The following DROSHA variants were observed in gnomAD, a reference collection of about 807,000 sequenced individuals.
DROSHA encodes ribonuclease 3.
Under a neutral mutation model 181.9 loss-of-function variants are expected in DROSHA, and 56 were observed. That is an observed-to-expected ratio of 0.31 (90% CI 0.25 to 0.38). The LOEUF (loss-of-function observed/expected upper bound fraction) is 0.38, where lower values mean the gene tolerates loss of function less well. DROSHA is among the 10% of genes least tolerant of loss of function. The pLI is 1.00. For missense variants in DROSHA, 1,218 were observed against 1,743.5 expected, an observed-to-expected ratio of 0.70 and a Z score of 5.37; for synonymous variants, 524 against 591.2, an observed-to-expected ratio of 0.89 and a Z score of 1.65.
At chr5:31,415,491 G>A (rs1236789126) in intron 30 of DROSHA, among the ~76,000 whole-genome samples, 1 of 152,182 alleles carries the variant, frequency 6.6e-6, no homozygotes, top group African/African-American at 2.4e-5. Flanking sequence ...TCTTCTCAAC[G>A]AGATCTTTTA....
chr5:31,404,234 T>A (rs1003527782), intron 35 of DROSHA, among the ~76,000 whole-genome samples: 1 of 152,178 alleles, frequency 6.6e-6, no homozygotes, highest in South Asian at 2.1e-4. Flanking sequence ...TGTCTCAGAA[T>A]AGGTGATCTC....
At position 31,511,021 on chromosome 5, in the gene DROSHA, T is replaced by A. The variant is rs768852138; in HGVS notation, c.1432+14A>T. On this transcript the variant is annotated intron_variant, in intron 9 of 35. Coordinates refer to ENST00000344624, the MANE Select transcript of DROSHA (RefSeq NM_001382508.1). ...ATCGCAAGGGTCTCAGGCTAGTTAG[T>A]GACTCTGACTCACCTAAATCTTCAT... 7.4e-6 allele frequency: 12 copies of A among 1,613,638 alleles called. No individual in the cohort carries two copies.
intron 18 of DROSHA, 94 bp downstream of exon 18, chr5:31,467,845 A>G (rs17408716): frequency 0.077 from 111,919 of 1,461,120 alleles, 5,013 homozygotes; most frequent in Non-Finnish European, 0.091. Context: ...CTTAATTTTT[A>G]AAAAGGAAAC....
intron 14 of DROSHA, 148 bp from the exon 15 acceptor site, chr5:31,485,110 C>T (rs1020984671): frequency 3.6e-6 from 2 of 551,562 alleles, no homozygotes; most frequent in South Asian, 2.8e-5. Flanking sequence ...GGCCACTGAT[C>T]GCTAGTTTCA....
At chr5:31,442,815 T>C (rs908001894) in intron 23 of DROSHA, among the ~76,000 whole-genome samples, 2 of 152,012 alleles carry the variant, frequency 1.3e-5, no homozygotes, top group African/African-American at 2.4e-5. Flanking sequence ...TGCATCTGCC[T>C]GGACACTTGT....
At chr5:31,511,604 G>A (rs1429766758) in intron 8 of DROSHA, among the ~76,000 whole-genome samples, 1 of 151,710 alleles carries the variant, frequency 6.6e-6, no homozygotes. Flanking sequence ...TAAGGCAGGA[G>A]AACTGTTTGA....
At chr5:31,429,368 G>A in intron 27 of DROSHA, 107 bp downstream of exon 27, 1 of 1,025,864 alleles carries the variant, frequency 9.7e-7, no homozygotes, top group East Asian at 2.7e-5. Context: ...TGGTAGATCT[G>A]ACTATTTTGT....
At chr5:31,489,617 T>C (rs1260647948) in intron 13 of DROSHA, among the ~76,000 whole-genome samples, 2 of 152,218 alleles carry the variant, frequency 1.3e-5, no homozygotes, top group Non-Finnish European at 2.9e-5. Flanking sequence ...ACCATCATGT[T>C]TGAATACTTA....
intron 20 of DROSHA, among the ~76,000 whole-genome samples, chr5:31,456,806 T>G (rs79882512): frequency 0.01 from 1,522 of 152,150 alleles, 10 homozygotes; most frequent in Non-Finnish European, 0.014. Flanking sequence ...CTGTCGCCCA[T>G]GCTGGAGTAC....
Position 31,511,113 on chromosome 5 carries a change from A to C in DROSHA, c.1354T>G (p.Leu452Val). The change falls in exon 9 of 36, where the codon TTG becomes GTG. Residue 452 changes from leucine to valine, a missense_variant. Transcript: ENST00000344624. ...RDLYDKFEEE[L>V]GSRQEKAKAA... is the part of the protein sequence containing the mutation. ...TTGGCCTTTTCTTGCCTGCTCCCCA[A>C]CTCCTCCTCAAATTTGTCATATAAG... The C allele has an allele frequency of 6.2e-7, 1 of 1,613,538 alleles. No individual in the cohort carries two copies. Among genetic ancestry groups the C allele is most frequent in the Non-Finnish European group, 8.5e-7 (1 of 1,179,778 alleles).
Position 31,435,877 on chromosome 5 carries a change from AAAG to A in DROSHA, c.2943-16_2943-14del. 2.5e-6 allele frequency: 4 copies of A among 1,608,034 alleles called. No individual in the cohort carries two copies. The highest frequency in any genetic ancestry group is 3.4e-6 in the Non-Finnish European group (4 of 1,177,884). The stretch of plus-strand genomic sequence containing the variant: ...GTACAAATGGACGCTACAAAAAAAA[AAAG>A]AAGTACATGAATAAATATGCATCAC... On this transcript the variant is annotated splice_polypyrimidine_tract_variant and intron_variant, in intron 24 of 35. Transcript: ENST00000344624.
At chr5:31,418,218 GGTGTGTGT>G (rs746849120) in intron 30 of DROSHA, among the ~76,000 whole-genome samples, 1 of 149,360 alleles carries the variant, frequency 6.7e-6, no homozygotes, top group African/African-American at 2.5e-5. Context: ...ATGTGTGTGT[GGTGTGTGT>G]GTGTGTGTGT....
chr5:31,491,145 C>T (rs965562718), intron 13 of DROSHA, among the ~76,000 whole-genome samples: 3 of 147,576 alleles, frequency 2.0e-5, no homozygotes, highest in African/African-American at 5.0e-5. Context: ...CCAAGCATTG[C>T]TATCATTAAT....
chr5:31,420,256 T>C (rs1255201201), intron 30 of DROSHA, among the ~76,000 whole-genome samples: 1 of 152,226 alleles, frequency 6.6e-6, no homozygotes, highest in Non-Finnish European at 1.5e-5. Context: ...TGCTTCAACA[T>C]ACTAAAGACA....
Position 31,435,753 on chromosome 5 carries a change from T to C in DROSHA, c.3042+12A>G, listed in dbSNP as rs538236067. On this transcript the variant is annotated intron_variant, in intron 25 of 35. Transcript: ENST00000344624. ...CAGACGTAACTACAAATGCTGCAGA[T>C]GTCTTCTATACCTTTGCTAGCATGG... The C allele has an allele frequency of 3.1e-5, 50 of 1,609,756 alleles. No individual in the cohort carries two copies. The African/African-American group carries it at 5.7e-4, about 18-fold the overall frequency.
chr5:31,521,255 G>A, intron 5 of DROSHA, 40 bp from the exon 6 acceptor site: 1 of 1,602,758 alleles, frequency 6.2e-7, no homozygotes. Context: ...TCAACAGAAA[G>A]ACTCAAAAAC....
At chr5:31,456,227 T>C (rs1434915253) in intron 20 of DROSHA, among the ~76,000 whole-genome samples, 2 of 152,176 alleles carry the variant, frequency 1.3e-5, no homozygotes, top group African/African-American at 2.4e-5. Flanking sequence ...AATATATTTT[T>C]ATTGGTAGAT....
chr5:31,504,557 C>G lies in DROSHA; in HGVS notation c.1666G>C (p.Glu556Gln), dbSNP rs1173546422. Residue 556 changes from glutamate to glutamine, a missense_variant and splice_region_variant, in exon 11 of 36, where the codon GAG becomes CAG. This residue lies in a region of DROSHA where 460 missense variants were observed against 774.2 expected (regional missense o/e 0.59). Transcript: ENST00000344624. ...GIRHSIYPGE[E>Q]AIKPCRPMTN... ...ACATAATAACCCAAACCAGTTACCT[C>G]TTCTCCAGGATAAATGCTGTGCCTA... 2 of 1,613,862 alleles carry G rather than the reference C, an allele frequency of 1.2e-6. No individual in the cohort carries two copies. The highest frequency in any genetic ancestry group is 2.7e-5 in the African/African-American group (2 of 74,930).
intron 21 of DROSHA, 106 bp downstream of exon 21, chr5:31,451,427 T>C: frequency 1.1e-6 from 1 of 941,558 alleles, no homozygotes; most frequent in South Asian, 1.6e-5. Flanking sequence ...TTTCTAACAA[T>C]CCTTGTCACA....
Sources: allele counts gnomAD v4.1 joint callset (sites outside exome capture counted in the v4.1 genomes callset), GRCh38; gene constraint gnomAD v4.1.1; regional missense constraint gnomAD v4.1.1; transcripts MANE v1.5; gene names NCBI Gene and HGNC (gene_info 2026-07-23, HGNC 2026-07-21).